Variants in ZZEF1 observed in about 807,000 individuals in gnomAD.
ZZEF1 encodes zinc finger ZZ-type and EF-hand domain containing 1, also known as zinc finger ZZ-type and EF-hand domain-containing protein 1.
Under a neutral mutation model 342.8 loss-of-function variants are expected in ZZEF1, and 157 were observed. The ratio of observed to expected loss-of-function variants is 0.46; its 90% confidence interval spans 0.40 to 0.52. The LOEUF (loss-of-function observed/expected upper bound fraction) is 0.52. Among genes scored for constraint, ZZEF1 ranks in the 20% least tolerant of loss-of-function variants. The pLI is 0.00. For missense variants in ZZEF1, 3,480 were observed against 3,725.6 expected (o/e 0.93, Z 1.72); for synonymous variants, 1,505 against 1,429.1 (o/e 1.05, Z -1.20).
chr17:4,014,314 A>G lies in ZZEF1; in HGVS notation c.8314+33T>C. On this transcript the variant is annotated intron_variant, in intron 50 of 54. Transcript: ENST00000381638. This position sits in a 1 kb window ranked among gnomAD's most constrained non-coding sequence, Gnocchi z 4.4. ...TATTAAGTTTAAACACTGCCTGTGA[A>G]GAACCTATCTAATCGAGTATTTGTT... 3 of 1,613,624 alleles carry G rather than the reference A, an allele frequency of 1.9e-6. No homozygotes were observed. Among genetic ancestry groups the G allele is most frequent in the Non-Finnish European group, 2.5e-6 (3 of 1,179,596 alleles).
intron 24 of ZZEF1, among the ~76,000 whole-genome samples, chr17:4,073,293 C>T (rs2057545752): frequency 6.6e-6 from 1 of 152,004 alleles, no homozygotes; most frequent in Non-Finnish European, 1.5e-5. Flanking sequence ...TTTTTTTCCA[C>T]TATGTAATTT....
At chr17:4,047,030 G>A (rs539561649) in intron 37 of ZZEF1, among the ~76,000 whole-genome samples, 1 of 152,336 alleles carries the variant, frequency 6.6e-6, no homozygotes, top group South Asian at 2.1e-4. Flanking sequence ...TGGGGACAGT[G>A]CTGGAAATTG....
At chr17:4,101,598 A>T (rs957561911) in intron 9 of ZZEF1, among the ~76,000 whole-genome samples, 6 of 152,132 alleles carry the variant, frequency 3.9e-5, no homozygotes, top group African/African-American at 1.4e-4. Flanking sequence ...CAAATACTAC[A>T]TCAGCTATAT....
At chr17:4,077,426 A>G (rs867212916) in intron 19 of ZZEF1, among the ~76,000 whole-genome samples, 36 of 152,192 alleles carry the variant, frequency 2.4e-4, no homozygotes, top group Non-Finnish European at 4.3e-4. Context: ...ATAATTTGTC[A>G]GCACCCGTTG....
At chr17:4,070,556 A>G (rs2057488225) in intron 26 of ZZEF1, 128 bp downstream of exon 26, 2 of 1,163,712 alleles carry the variant, frequency 1.7e-6, no homozygotes, top group African/African-American at 3.1e-5. Flanking sequence ...TAGAACCAAC[A>G]AGATGATGTT....
rs2144898532 is a variant in ZZEF1 at position 4,004,710 on chromosome 17, T to TAA, written c.*2179_*2180insTT. On this transcript the variant is annotated 3_prime_UTR_variant, in exon 55 of 55. Coordinates refer to ENST00000381638, the MANE Select transcript of ZZEF1 (RefSeq NM_015113.4). ...AGGATTTCTTTACAGCGTAGGCACG[T>TAA]GTTTCCACCTTTGCTCTGCGGGCTT... 1 of 152,468 alleles carries TAA rather than the reference T, an allele frequency of 6.6e-6. No homozygotes were observed. The highest frequency in any genetic ancestry group is 1.5e-5 in the Non-Finnish European group (1 of 68,036). The allele number at this position is 152,468 out of a possible 1,614,324, so 9.4% of individuals were successfully genotyped here.
chr17:4,033,266 A>G, intron 40 of ZZEF1: 1 of 365,032 alleles, frequency 2.7e-6, no homozygotes, highest in Non-Finnish European at 5.0e-6. Context: ...GCACACTCAT[A>G]TTCAAACACA....
At chr17:4,046,857 A>G (rs1430288066) in intron 37 of ZZEF1, among the ~76,000 whole-genome samples, 1 of 152,232 alleles carries the variant, frequency 6.6e-6, no homozygotes, top group Non-Finnish European at 1.5e-5. Context: ...GTTGAAAACA[A>G]AAAGTATCTC....
At chr17:4,040,249 G>A (rs2176324) in intron 39 of ZZEF1, among the ~76,000 whole-genome samples, 40,673 of 151,936 alleles carry the variant, frequency 0.27, 6,542 homozygotes, top group African/African-American at 0.45. Flanking sequence ...GTATTCTAGC[G>A]CAACAAAAAA....
chr17:4,088,780 G>C lies in ZZEF1; in HGVS notation c.2139C>G (p.Ser713Arg), dbSNP rs577328539. 4 of 1,614,200 alleles carry C rather than the reference G, an allele frequency of 2.5e-6. No individual in the cohort carries two copies. The highest frequency in any genetic ancestry group is 3.4e-6 in the Non-Finnish European group (4 of 1,180,028). ...CCTTTCTGCAGTGTGCACAGGTGACGCTCTGTTCTGCTTCTGCTCTTGCAG... is the reference window on the plus strand; with the variant it reads ...CCTTTCTGCAGTGTGCACAGGTGACCCTCTGTTCTGCTTCTGCTCTTGCAG... ...LRPARAEAEQ[S>R]VTCAHCRKDT... The change falls in exon 13 of 55, where the codon AGC becomes AGG. Residue 713 changes from serine (S) to arginine (R), a missense_variant. Ser to Arg is a moderately radical substitution (Grantham distance 110). This residue lies in a region of ZZEF1 where 1,528 missense variants were observed against 1,624.1 expected (regional missense o/e 0.94). Transcript: ENST00000381638.
chr17:4,115,059 G>A (rs2058372867), intron 3 of ZZEF1, among the ~76,000 whole-genome samples: 1 of 151,992 alleles, frequency 6.6e-6, no homozygotes, highest in Non-Finnish European at 1.5e-5. Context: ...GTCTCACTCT[G>A]TTCCCAGGCT....
intron 15 of ZZEF1, 102 bp downstream of exon 15, chr17:4,086,384 T>C (rs1156426862): frequency 8.1e-7 from 1 of 1,236,158 alleles, no homozygotes; most frequent in African/African-American, 1.5e-5. Context: ...CGGCAATCCC[T>C]TTCTGGCTCG....
At chr17:4,059,114 T>C (rs1238239819) in intron 31 of ZZEF1, 57 bp downstream of exon 31, 1 of 1,434,852 alleles carries the variant, frequency 7.0e-7, no homozygotes, top group Non-Finnish European at 9.2e-7. Flanking sequence ...TATATTTCTT[T>C]TATAATCAGA....
intron 9 of ZZEF1, among the ~76,000 whole-genome samples, chr17:4,101,719 C>T (rs1175427992): frequency 6.6e-6 from 1 of 152,102 alleles, no homozygotes; most frequent in Non-Finnish European, 1.5e-5. Context: ...CTCAACCTCC[C>T]GGGTTCAAGT....
chr17:4,122,390 T>A (rs1237118818), intron 2 of ZZEF1, among the ~76,000 whole-genome samples: 1 of 152,086 alleles, frequency 6.6e-6, no homozygotes. Flanking sequence ...TCTTTTTTTT[T>A]TTTTCCAGAC....
At chr17:4,116,459 TG>T (rs2058395229) in intron 3 of ZZEF1, among the ~76,000 whole-genome samples, 1 of 152,234 alleles carries the variant, frequency 6.6e-6, no homozygotes, top group African/African-American at 2.4e-5. Flanking sequence ...CGTCTATGCC[TG>T]GGCTCTGTTA....
intron 2 of ZZEF1, among the ~76,000 whole-genome samples, chr17:4,123,251 T>G (rs1220938528): frequency 7.8e-6 from 1 of 128,876 alleles, no homozygotes; most frequent in Admixed American, 8.3e-5. Context: ...AATTTATACA[T>G]TAGAATTTAT....
chr17:4,017,617 G>A lies in ZZEF1; in HGVS notation c.7755C>T (p.Ser2585=), dbSNP rs1309075964. The part of the protein sequence containing the change: ...LQQSYAKQRR[S]KSAALLHKEL... ...CCTTGTGCAGGAGGGCGGCGCTCTT[G>A]CTACGGCGCTGCTTGGCATAGCTCT... is the stretch of plus-strand genomic sequence containing the variant. Residue 2585 remains serine (S), a synonymous_variant, in exon 48 of 55, where the codon AGC becomes AGT. Coordinates refer to ENST00000381638, the MANE Select transcript of ZZEF1 (RefSeq NM_015113.4). The surrounding 1 kb of genome is among the most constrained non-coding windows in gnomAD (Gnocchi z 5.1). 1 of 1,614,214 alleles carries A rather than the reference G, an allele frequency of 6.2e-7. No individual in the cohort carries two copies. Among genetic ancestry groups the A allele is most frequent in the Admixed American group, 1.7e-5 (1 of 60,026 alleles).
intron 5 of ZZEF1, among the ~76,000 whole-genome samples, chr17:4,112,177 G>C (rs1567851824): frequency 6.8e-6 from 1 of 147,458 alleles, no homozygotes; most frequent in Non-Finnish European, 1.5e-5. Context: ...ATGGAGTCTT[G>C]CTCTGTCACC....
Sources: gnomAD v4.1 joint callset for allele counts (sites outside exome capture counted in the v4.1 genomes callset) on GRCh38, gnomAD v4.1.1 for gene constraint, gnomAD v4.1.1 regional missense constraint, Gnocchi (gnomAD v3.1) non-coding constraint, MANE v1.5 for transcripts, NCBI Gene and HGNC (gene_info 2026-07-23, HGNC 2026-07-21) for gene names.